Variants in EVI5 observed in about 807,000 individuals in gnomAD.
The protein encoded by EVI5 is ecotropic viral integration site 5, also known as ecotropic viral integration site 5 protein homolog.
EVI5 carries 73 observed loss-of-function variants against 112.0 expected under a neutral mutation model. That is an observed-to-expected ratio of 0.65 (90% CI 0.54 to 0.79). The LOEUF (loss-of-function observed/expected upper bound fraction) is 0.79, where lower values mean the gene tolerates loss of function less well. Among genes scored for constraint, EVI5 ranks in the 30% least tolerant of loss-of-function variants. The probability of loss-of-function intolerance (pLI) is 0.00; values close to 1 mark genes in which losing one functional copy is unlikely to be tolerated. For missense variants in EVI5, 900 were observed against 968.8 expected (o/e 0.93, Z 0.94); for synonymous variants, 305 against 319.9 (o/e 0.95, Z 0.50).
At chr1:92,617,191 G>A (rs531432725) in intron 16 of EVI5, among the ~76,000 whole-genome samples, 1 of 152,316 alleles carries the variant, frequency 6.6e-6, no homozygotes, top group South Asian at 2.1e-4. Flanking sequence ...AGCGGTGAAG[G>A]TAAATCTTCC....
chr1:92,605,530 A>G lies in EVI5; in HGVS notation c.1975-128T>C, dbSNP rs899574065. 17 of 621,760 alleles carry G rather than the reference A, an allele frequency of 2.7e-5. 1 individual carries two copies. The highest frequency in any genetic ancestry group is 2.0e-4 in the South Asian group (10 of 49,764). The allele number at this position is 621,760 out of a possible 1,614,324, so 38.5% of individuals were successfully genotyped here. ...AGCAGGGTCTAAGGCAGCATCCATA[A>G]TGAAACAATATGCTCAATACATACA... is the stretch of plus-strand genomic sequence containing the variant. On this transcript the variant is annotated intron_variant, in intron 17 of 19. Coordinates refer to ENST00000684568, the MANE Select transcript of EVI5 (RefSeq NM_001350197.2).
At chr1:92,686,952 T>C (rs1348819215) in intron 9 of EVI5, among the ~76,000 whole-genome samples, 2 of 152,152 alleles carry the variant, frequency 1.3e-5, no homozygotes, top group African/African-American at 4.8e-5. Flanking sequence ...ATCATGAAAA[T>C]GGCCATACTG....
At chr1:92,587,392 A>T (rs1672989330) in intron 18 of EVI5, among the ~76,000 whole-genome samples, 1 of 146,198 alleles carries the variant, frequency 6.8e-6, no homozygotes, top group Non-Finnish European at 1.5e-5. Context: ...CAGGGGCAAA[A>T]AAAAAAAAAA....
intron 14 of EVI5, among the ~76,000 whole-genome samples, chr1:92,629,124 C>T (rs143203674): frequency 2.6e-5 from 4 of 152,268 alleles, no homozygotes; most frequent in African/African-American, 9.6e-5. Context: ...CAGAATACGC[C>T]TAAGTTAAAG....
At chr1:92,614,923 C>T (rs1252700512) in intron 16 of EVI5, among the ~76,000 whole-genome samples, 1 of 144,396 alleles carries the variant, frequency 6.9e-6, no homozygotes, top group East Asian at 2.0e-4. Context: ...TAGTTCTGTC[C>T]CTCTAGAGAA....
At chr1:92,781,493 T>C (rs1412149360) in intron 1 of EVI5, among the ~76,000 whole-genome samples, 1 of 148,894 alleles carries the variant, frequency 6.7e-6, no homozygotes, top group Admixed American at 6.7e-5. Flanking sequence ...AGACCCTGTC[T>C]GAAAAAAAAA....
chr1:92,545,327 C>T lies in EVI5; in HGVS notation c.2166+18315G>A, dbSNP rs555475309. On this transcript the variant is annotated intron_variant, in intron 19 of 19. Coordinates refer to ENST00000684568, the MANE Select transcript of EVI5 (RefSeq NM_001350197.2). ...CTGGCCTCAAGTGATCCTCCTGTCT[C>T]GGCCTCCCAAAGTGCTGAGACTATA... 3.3e-5 allele frequency among the ~76,000 whole-genome samples: 5 copies of T among 151,842 alleles called. No homozygotes were observed. The South Asian group carries it at 8.3e-4, about 25-fold the overall frequency.
Position 92,696,831 on chromosome 1 carries a change from G to T in EVI5, c.765+1029C>A, listed in dbSNP as rs113213616. On this transcript the variant is annotated intron_variant, in intron 6 of 19. Coordinates refer to ENST00000684568, the MANE Select transcript of EVI5 (RefSeq NM_001350197.2). ...AGGCGGGCGGTTCATGAGGTCAGGA[G>T]ATCGAGACCATCCTGGCTAACATGG... Among the ~76,000 whole-genome samples the T allele has an allele frequency of 2.7e-3, 405 of 152,254 alleles. 1 individual carries two copies. The highest frequency in any genetic ancestry group is 8.7e-3 in the African/African-American group (360 of 41,552).
chr1:92,510,644 AT>A lies in EVI5; in HGVS notation c.*3011del, dbSNP rs1377052665. 3.3e-5 allele frequency: 5 copies of A among 152,220 alleles called. No individual in the cohort carries two copies. The highest frequency in any genetic ancestry group is 1.2e-4 in the African/African-American group (5 of 41,468). 9.4% of individuals were successfully genotyped at this position (152,220 alleles called of 1,614,324 possible). A position where few individuals can be genotyped will look rare whatever the true frequency, so the allele number is the denominator to read the frequency against. On this transcript the variant is annotated 3_prime_UTR_variant, in exon 20 of 20. Coordinates refer to ENST00000684568, the MANE Select transcript of EVI5 (RefSeq NM_001350197.2). ...AAATATTTTAGGCTACCTGGGCCAT[AT>A]GGTCTCCCTTGCAATGACTCAACTC...
intron 18 of EVI5, among the ~76,000 whole-genome samples, chr1:92,572,679 G>A (rs1670490307): frequency 6.6e-6 from 1 of 152,036 alleles, no homozygotes; most frequent in African/African-American, 2.4e-5. Flanking sequence ...AACTCCATGG[G>A]TAGGATCTGA....
At chr1:92,619,459 T>C (rs979285166) in intron 16 of EVI5, among the ~76,000 whole-genome samples, 2 of 151,688 alleles carry the variant, frequency 1.3e-5, no homozygotes, top group African/African-American at 2.4e-5. Flanking sequence ...TATATATATA[T>C]ATATATCCTA....
chr1:92,557,437 C>T (rs1490275156), intron 19 of EVI5, among the ~76,000 whole-genome samples: 1 of 151,982 alleles, frequency 6.6e-6, no homozygotes, highest in Non-Finnish European at 1.5e-5. Flanking sequence ...GCACGCACCA[C>T]CATGTCCTGC....
intron 18 of EVI5, among the ~76,000 whole-genome samples, chr1:92,576,588 A>C (rs2101041717): frequency 6.6e-6 from 1 of 152,340 alleles, no homozygotes; most frequent in African/African-American, 2.4e-5. Context: ...CTGGTAGGCA[A>C]GTAACTGAAT....
intron 9 of EVI5, among the ~76,000 whole-genome samples, chr1:92,687,150 C>A (rs890797879): frequency 6.6e-6 from 1 of 152,156 alleles, no homozygotes; most frequent in African/African-American, 2.4e-5. Flanking sequence ...TACTACAAGG[C>A]TACAGTAACC....
intron 18 of EVI5, among the ~76,000 whole-genome samples, chr1:92,603,432 T>C (rs767330813): frequency 6.6e-6 from 1 of 152,066 alleles, no homozygotes; most frequent in Non-Finnish European, 1.5e-5. Context: ...AGCTCAAACA[T>C]GGAAGCACCC....
At chr1:92,543,149 G>A (rs991354511) in intron 19 of EVI5, among the ~76,000 whole-genome samples, 3 of 152,142 alleles carry the variant, frequency 2.0e-5, no homozygotes, top group African/African-American at 4.8e-5. Context: ...ATCTTCCTCC[G>A]GTATAAGACT....
At chr1:92,536,639 T>C (rs997465931) in intron 19 of EVI5, among the ~76,000 whole-genome samples, 4 of 152,192 alleles carry the variant, frequency 2.6e-5, no homozygotes, top group African/African-American at 9.6e-5. Context: ...CCAGTAGATA[T>C]TAAGACAGAA....
At chr1:92,686,210 G>A (rs1189695145) in intron 9 of EVI5, among the ~76,000 whole-genome samples, 8 of 152,068 alleles carry the variant, frequency 5.3e-5, no homozygotes, top group African/African-American at 1.5e-4. Context: ...TGATCAAGTT[G>A]GCTTCATCCC....
At chr1:92,552,040 T>C (rs141441684) in intron 19 of EVI5, among the ~76,000 whole-genome samples, 1 of 150,440 alleles carries the variant, frequency 6.6e-6, no homozygotes, top group Non-Finnish European at 1.5e-5. Flanking sequence ...GCTCTACCCA[T>C]GTGATGTAAA....
Sources: gnomAD v4.1 joint callset for allele counts (sites outside exome capture counted in the v4.1 genomes callset) on GRCh38, gnomAD v4.1.1 for gene constraint, MANE v1.5 for transcripts, NCBI Gene and HGNC (gene_info 2026-07-23, HGNC 2026-07-21) for gene names.